WASHC2A: variants seen among roughly 807,000 people sequenced by gnomAD.
WASHC2A encodes WASH complex subunit FAM21A.
WASHC2A carries 82 observed loss-of-function variants against 140.3 expected under a neutral mutation model. The observed-to-expected ratio is 0.58, with a 90% CI of 0.49 to 0.70. The LOEUF (loss-of-function observed/expected upper bound fraction) is 0.70, where lower values mean the gene tolerates loss of function less well. Ranked by LOEUF, WASHC2A falls within the 30% of genes least tolerant of loss-of-function variation. The pLI is 0.00. For synonymous variants in WASHC2A, 340 were observed against 560.8 expected (o/e 0.61, Z 5.56); for missense variants, 985 against 1,521.8 (o/e 0.65, Z 5.87).
chr10:50,127,370 C>T, intron 27 of WASHC2A, 148 bp downstream of exon 27: 2 of 1,541,726 alleles, frequency 1.3e-6, no homozygotes, highest in Non-Finnish European at 1.8e-6. Flanking sequence ...CTCCTGTGTG[C>T]TGCGTCTTTA....
chr10:50,116,927 G>T (rs1296071455), intron 21 of WASHC2A, among the ~76,000 whole-genome samples: 1 of 112,378 alleles, frequency 8.9e-6, no homozygotes, highest in African/African-American at 3.3e-5. Flanking sequence ...GGTATGATTT[G>T]TATCTGTACT....
At chr10:50,093,155 A>G in intron 11 of WASHC2A, 113 bp from the exon 12 acceptor site, 1 of 570,266 alleles carries the variant, frequency 1.8e-6, no homozygotes, top group South Asian at 1.7e-5. Context: ...TTTGTTAAAT[A>G]GTGTCAGATA....
At chr10:50,079,365 T>A (rs1323135676) in intron 4 of WASHC2A, among the ~76,000 whole-genome samples, 8 of 152,138 alleles carry the variant, frequency 5.3e-5, no homozygotes, top group African/African-American at 1.9e-4. Context: ...CAGCATTTTT[T>A]AAAAAAAGTT....
At chr10:50,095,551 G>A (rs1429522367) in intron 14 of WASHC2A, 48 bp from the exon 15 acceptor site, 13 of 1,609,974 alleles carry the variant, frequency 8.1e-6, no homozygotes, top group Middle Eastern at 4.5e-4. Context: ...AAATTCAACC[G>A]GCCCACACTG....
intron 20 of WASHC2A, chr10:50,112,132 C>T (rs1290319335): frequency 1.0e-6 from 1 of 984,666 alleles, no homozygotes; most frequent in Non-Finnish European, 1.2e-6. Flanking sequence ...CTCAGCTGAG[C>T]ATTTTCTGCA....
At chr10:50,118,237 C>T (rs1429762806) in intron 22 of WASHC2A, among the ~76,000 whole-genome samples, 179 bp downstream of exon 22, 2 of 81,482 alleles carry the variant, frequency 2.5e-5, no homozygotes, top group Non-Finnish European at 2.8e-5. Flanking sequence ...AGGGCCTTTC[C>T]TCCCGGCCCT....
At chr10:50,084,190 T>G in intron 6 of WASHC2A, 25 bp downstream of exon 6, 7 of 1,610,844 alleles carry the variant, frequency 4.3e-6, no homozygotes, top group Non-Finnish European at 5.1e-6. Flanking sequence ...CAAATAATTT[T>G]GTTCCTTAAC....
At chr10:50,128,028 C>T (rs894267437) in intron 28 of WASHC2A, among the ~76,000 whole-genome samples, 86 of 151,754 alleles carry the variant, frequency 5.7e-4, no homozygotes, top group African/African-American at 1.9e-3. Context: ...GCCACAGTAA[C>T]GTCTCACCAC....
At position 50,097,896 on chromosome 10, in the gene WASHC2A, G is replaced by A. The variant is rs1589215432; in HGVS notation, c.1548+94G>A. On this transcript the variant is annotated intron_variant, in intron 16 of 30. Transcript: ENST00000282633. Reference sequence around the variant, plus strand: ...AGAGGGAAGTGCTGTTCCCTTTCACGTTCATATTGAAGAACTTCAAACAGA... The same window carrying A: ...AGAGGGAAGTGCTGTTCCCTTTCACATTCATATTGAAGAACTTCAAACAGA... The A allele has an allele frequency of 5.0e-6, 8 of 1,587,482 alleles. No homozygotes were observed. In the Admixed American group the frequency reaches 7.2e-5, roughly 14 times the overall value.
intron 30 of WASHC2A, among the ~76,000 whole-genome samples, chr10:50,132,433 T>G (rs549730219): frequency 6.6e-6 from 1 of 152,384 alleles, no homozygotes; most frequent in African/African-American, 2.4e-5. Context: ...GGATTTCCCT[T>G]TGCGTATTTT....
At chr10:50,131,185 G>A (rs1843935122) in intron 30 of WASHC2A, 107 bp downstream of exon 30, 6 of 1,393,444 alleles carry the variant, frequency 4.3e-6, no homozygotes, top group Middle Eastern at 2.5e-4. Context: ...GCACCCCAGC[G>A]GGTTCACTTC....
rs1375104072 is a variant in WASHC2A at position 50,078,493 on chromosome 10, A to G, written c.292-182A>G. 4.9e-6 allele frequency: 4 copies of G among 813,042 alleles called. No homozygotes were observed. The African/African-American group carries it at 7.5e-5, about 15-fold the overall frequency. The allele number at this position is 813,042 out of a possible 1,614,324, so 50.4% of individuals were successfully genotyped here. On this transcript the variant is annotated intron_variant, in intron 3 of 30. Coordinates refer to ENST00000282633, the MANE Select transcript of WASHC2A (RefSeq NM_001005751.3). Reference sequence around the variant, plus strand: ...TCTTTTTTTTTTTGGTGAATGGACTATTCTTTGCTGTTTGTCCATGACCCA... The same window carrying G: ...TCTTTTTTTTTTTGGTGAATGGACTGTTCTTTGCTGTTTGTCCATGACCCA...
At chr10:50,112,221 C>T in intron 20 of WASHC2A, 1 of 974,952 alleles carries the variant, frequency 1.0e-6, no homozygotes, top group Non-Finnish European at 1.2e-6. Context: ...CAGTCTGAAC[C>T]CCATCTTGTT....
intron 7 of WASHC2A, 61 bp from the exon 8 acceptor site, chr10:50,087,214 A>T: frequency 6.2e-7 from 1 of 1,611,210 alleles, no homozygotes; most frequent in Non-Finnish European, 8.5e-7. Flanking sequence ...TAGACCTGCA[A>T]TCATTTCTGT....
intron 23 of WASHC2A, among the ~76,000 whole-genome samples, chr10:50,124,173 C>T (rs1212217756): frequency 0.29 from 44,753 of 151,714 alleles, 7,268 homozygotes; most frequent in Middle Eastern, 0.41. Context: ...GGCGTGATCT[C>T]GGCCCACTGC....
intron 11 of WASHC2A, among the ~76,000 whole-genome samples, chr10:50,092,865 A>G (rs1380636198): frequency 1.3e-5 from 2 of 152,148 alleles, no homozygotes; most frequent in Admixed American, 1.3e-4. Flanking sequence ...GCAAACAGCC[A>G]TGTCCATTAC....
chr10:50,130,193 A>C (rs1277887495), intron 29 of WASHC2A, among the ~76,000 whole-genome samples, 154 bp downstream of exon 29: 1 of 150,760 alleles, frequency 6.6e-6, no homozygotes, highest in East Asian at 1.9e-4. Flanking sequence ...TAATAAGTTT[A>C]ACATTGATTC....
At chr10:50,076,517 A>T (rs1838326218) in intron 3 of WASHC2A, among the ~76,000 whole-genome samples, 1 of 152,212 alleles carries the variant, frequency 6.6e-6, no homozygotes, top group Non-Finnish European at 1.5e-5. Flanking sequence ...AGATGGGTGG[A>T]CAGGAGCCAT....
chr10:50,082,155 T>C (rs148182497), intron 5 of WASHC2A, among the ~76,000 whole-genome samples: 25,229 of 149,064 alleles, frequency 0.17, 2,690 homozygotes, highest in Admixed American at 0.28. Flanking sequence ...CTTTTTTTTT[T>C]CCCCTTGCAG....
Sources: gnomAD v4.1 joint callset for allele counts (sites outside exome capture counted in the v4.1 genomes callset) on GRCh38, gnomAD v4.1.1 for gene constraint, MANE v1.5 for transcripts, NCBI Gene and HGNC (gene_info 2026-07-23, HGNC 2026-07-21) for gene names.